CR1L: variants seen among roughly 807,000 people sequenced by gnomAD.
CR1L encodes complement C3b/C4b receptor 1 like.
In CR1L, 59 loss-of-function variants were observed where a neutral mutation model predicts 62.3. That is an observed-to-expected ratio of 0.95 (90% CI 0.77 to 1.18). CR1L has a LOEUF of 1.18. CR1L is among the 50% of genes most tolerant of loss of function. The pLI, the probability that CR1L is intolerant of heterozygous loss-of-function variation, is 0.00. For missense variants in CR1L, 700 were observed against 702.8 expected (o/e 1.00, Z 0.04); for synonymous variants, 279 against 248.7 (o/e 1.12, Z -1.15).
rs1480595676 is a variant in CR1L at position 207,678,405 on chromosome 1, C to T, written c.377+108C>T. The T allele has an allele frequency of 4.1e-6, 4 of 976,226 alleles. No homozygotes were observed. In the African/African-American group the frequency reaches 4.9e-5, roughly 12 times the overall value. 60.5% of individuals were successfully genotyped at this position (976,226 alleles called of 1,614,324 possible). ...AGGACAACTAAACTATTACCATCTG[C>T]TCTTTAAAGGCTTCAACACAGGTGC... is the stretch of plus-strand genomic sequence containing the variant. On this transcript the variant is annotated intron_variant, in intron 3 of 11. Transcript: ENST00000508064.
At chr1:207,698,794 C>A (rs1300521069) in intron 7 of CR1L, among the ~76,000 whole-genome samples, 3 of 152,182 alleles carry the variant, frequency 2.0e-5, no homozygotes, top group African/African-American at 4.8e-5. Context: ...CAGCTATTTC[C>A]CACTTTACCA....
intron 5 of CR1L, among the ~76,000 whole-genome samples, chr1:207,697,249 G>A (rs1358469278): frequency 6.6e-6 from 1 of 152,162 alleles, no homozygotes; most frequent in Non-Finnish European, 1.5e-5. Flanking sequence ...AATCTTAGTT[G>A]CATACTTTAG....
At chr1:207,664,648 T>C (rs1042382932) in intron 1 of CR1L, among the ~76,000 whole-genome samples, 7 of 152,232 alleles carry the variant, frequency 4.6e-5, no homozygotes, top group African/African-American at 1.7e-4. Flanking sequence ...GAGTTAACTA[T>C]AAGCATTTCA....
At chr1:207,694,777 G>A in intron 5 of CR1L, 26 bp downstream of exon 5, 5 of 1,611,714 alleles carry the variant, frequency 3.1e-6, no homozygotes, top group Non-Finnish European at 4.2e-6. Flanking sequence ...GCCTAGAAGG[G>A]CCCTGCCAGT....
intron 1 of CR1L, among the ~76,000 whole-genome samples, chr1:207,663,063 G>T (rs4308978): frequency 0.41 from 61,885 of 152,022 alleles, 12,873 homozygotes; most frequent in African/African-American, 0.48. Flanking sequence ...CTACTGGGGG[G>T]TGCCTCCCAG....
At chr1:207,690,333 AC>A (rs1333052644) in intron 4 of CR1L, among the ~76,000 whole-genome samples, 1 of 152,000 alleles carries the variant, frequency 6.6e-6, no homozygotes, top group African/African-American at 2.4e-5. Flanking sequence ...GTCTTCTTTG[AC>A]CCATAGGCTA....
chr1:207,669,634 C>G (rs987141735), intron 1 of CR1L: 11 of 992,950 alleles, frequency 1.1e-5, no homozygotes, highest in Non-Finnish European at 1.6e-5. Context: ...AGAGAACTCG[C>G]GTGCCGCGCT....
chr1:207,692,807 T>G (rs7525478), intron 4 of CR1L, among the ~76,000 whole-genome samples: 53,749 of 149,186 alleles, frequency 0.36, 10,764 homozygotes, highest in Non-Finnish European at 0.45. Context: ...AATCTTTACT[T>G]CCATCTTGTG....
intron 4 of CR1L, among the ~76,000 whole-genome samples, chr1:207,692,910 T>G (rs1011979829): frequency 6.6e-6 from 1 of 152,230 alleles, no homozygotes; most frequent in African/African-American, 2.4e-5. Context: ...GTTTCCTTCT[T>G]ATTGCAATTC....
chr1:207,684,836 T>C (rs1663875497), intron 4 of CR1L, among the ~76,000 whole-genome samples: 1 of 152,234 alleles, frequency 6.6e-6, no homozygotes, highest in Admixed American at 6.5e-5. Flanking sequence ...GTGTATAACA[T>C]CTTTGTCTTA....
intron 1 of CR1L, among the ~76,000 whole-genome samples, chr1:207,654,893 C>T (rs944809312): frequency 7.2e-5 from 11 of 152,226 alleles, no homozygotes; most frequent in African/African-American, 2.4e-4. Context: ...TGTGAGAAAA[C>T]GCACAGAAAT....
At chr1:207,722,652 T>C (rs185038124) in intron 11 of CR1L, among the ~76,000 whole-genome samples, 2 of 152,264 alleles carry the variant, frequency 1.3e-5, no homozygotes, top group East Asian at 1.9e-4. Flanking sequence ...TTTTAAATTG[T>C]CCATTAAATT....
chr1:207,710,132 C>T (rs1316385523), intron 10 of CR1L, among the ~76,000 whole-genome samples: 2 of 151,864 alleles, frequency 1.3e-5, no homozygotes, highest in Non-Finnish European at 2.9e-5. Context: ...TTGCTTGAGG[C>T]CAGGAGTTCA....
chr1:207,669,662 G>C, intron 1 of CR1L: 1 of 741,988 alleles, frequency 1.3e-6, no homozygotes, highest in Admixed American at 3.0e-5. Context: ...GCTGCTCTGC[G>C]CGCCCGGGTC....
intron 10 of CR1L, 118 bp downstream of exon 10, chr1:207,708,381 A>G: frequency 7.6e-7 from 1 of 1,324,280 alleles, no homozygotes; most frequent in Non-Finnish European, 1.1e-6. Flanking sequence ...ATATTTGAAG[A>G]ATCCAGTCAT....
At chr1:207,650,910 C>T (rs910275319) in intron 1 of CR1L, among the ~76,000 whole-genome samples, 7 of 152,058 alleles carry the variant, frequency 4.6e-5, no homozygotes, top group South Asian at 2.1e-4. Context: ...CTCAGCCTCC[C>T]GAGTAGCTGG....
chr1:207,670,483 T>C (rs1428571201), intron 1 of CR1L, among the ~76,000 whole-genome samples: 1 of 151,034 alleles, frequency 6.6e-6, no homozygotes, highest in Non-Finnish European at 1.5e-5. Flanking sequence ...AACCCTTCTA[T>C]TATTAGTTTT....
rs963523020 is a variant in CR1L at position 207,657,402 on chromosome 1, G to A, written c.97+12072G>A. 9 of 641,798 alleles carry A rather than the reference G, an allele frequency of 1.4e-5. No homozygotes were observed. The African/African-American group carries it at 1.4e-4, about 10-fold the overall frequency. The allele number at this position is 641,798 out of a possible 1,614,324, so 39.8% of individuals were successfully genotyped here. The stretch of plus-strand genomic sequence containing the variant: ...AATAGTTTTATCTACAAATAAAGCA[G>A]GTGTATGTGCTTCCTCCTCCTGTGT... On this transcript the variant is annotated intron_variant, in intron 1 of 11. Coordinates refer to ENST00000508064, the MANE Select transcript of CR1L (RefSeq NM_175710.2).
At chr1:207,678,665 A>G (rs1663745694) in intron 3 of CR1L, among the ~76,000 whole-genome samples, 2 of 152,234 alleles carry the variant, frequency 1.3e-5, no homozygotes, top group Non-Finnish European at 1.5e-5. Context: ...CTTAATGGTC[A>G]TAGCACAAAT....
Sources: gnomAD v4.1 joint callset for allele counts (sites outside exome capture counted in the v4.1 genomes callset) on GRCh38, gnomAD v4.1.1 for gene constraint, MANE v1.5 for transcripts, NCBI Gene and HGNC (gene_info 2026-07-23, HGNC 2026-07-21) for gene names.